ZNF282: variants seen among roughly 807,000 people sequenced by gnomAD.
ZNF282 encodes the protein HTLV-I U5 repressive element-binding protein 1.
Under a neutral mutation model 61.9 loss-of-function variants are expected in ZNF282, and 30 were observed. That is an observed-to-expected ratio of 0.48 (90% confidence interval 0.36 to 0.66). The LOEUF is 0.66. ZNF282 is among the 30% of genes least tolerant of loss of function. The pLI is 0.00. For synonymous variants in ZNF282, 396 were observed against 405.0 expected (o/e 0.98, Z 0.27); for missense variants, 788 against 941.4 (o/e 0.84, Z 2.13).
rs972880986 is a variant in ZNF282, at chr7:149,224,593, C to A, written c.1962C>A (p.Gly654=). The A allele has an allele frequency of 6.4e-7, 1 of 1,574,344 alleles. No individual in the cohort carries two copies. The highest frequency in any genetic ancestry group is 1.8e-5 in the Admixed American group (1 of 54,766). ...SLKDHLRVHS[G]GPGPGAPRQL... is the part of the protein sequence containing the mutation. ...AGGACCACCTGCGCGTGCACAGCGG[C>A]GGCCCGGGCCCCGGCGCCCCACGGC... The change falls in exon 8 of 8, where the codon GGC becomes GGA. Residue 654 remains glycine, a synonymous_variant. Transcript: ENST00000610704.
chr7:149,223,892 C>A lies in ZNF282; in HGVS notation c.1261C>A (p.Leu421Met). 1 of 1,423,474 alleles carries A rather than the reference C, an allele frequency of 7.0e-7. No homozygotes were observed. Among genetic ancestry groups the A allele is most frequent in the Non-Finnish European group, 9.1e-7 (1 of 1,093,770 alleles). 88.2% of individuals were successfully genotyped at this position (1,423,474 alleles called of 1,614,324 possible). A position where few individuals can be genotyped will look rare whatever the true frequency, so the allele number is the denominator to read the frequency against. ...CCAGCCCCAGCCACCGCAGCCGCAG[C>A]TGCAGTCGCAGCCCCAGCCCCAGAG... ...QPQPQPPQPQLQSQPQPQSLP... is the reference protein window; with the variant it reads ...QPQPQPPQPQMQSQPQPQSLP... Residue 421 changes from leucine to methionine, a missense_variant, in exon 8 of 8, where the codon CTG (leucine) becomes ATG (methionine). Around this residue, in one of 3 missense-constraint regions of ZNF282, gnomAD observed 559 missense variants for 642.0 expected, o/e 0.87. Transcript: ENST00000610704.
chr7:149,223,915 G>T lies in ZNF282; in HGVS notation c.1284G>T (p.Gln428His). The T allele has an allele frequency of 7.3e-7, 1 of 1,362,158 alleles. No individual in the cohort carries two copies. The highest frequency in any genetic ancestry group is 9.4e-7 in the Non-Finnish European group (1 of 1,060,892). The allele number at this position is 1,362,158 out of a possible 1,614,324, so 84.4% of individuals were successfully genotyped here. Residue 428 changes from glutamine to histidine, a missense_variant, in exon 8 of 8, where the codon CAG (glutamine) becomes CAT (histidine). By Grantham distance (24) the Gln-to-His change is conservative (BLOSUM62 0). This residue lies in a region of ZNF282 where 559 missense variants were observed against 642.0 expected (regional missense o/e 0.87). Coordinates refer to ENST00000610704, the MANE Select transcript of ZNF282 (RefSeq NM_003575.4). The stretch of plus-strand genomic sequence containing the variant: ...AGCTGCAGTCGCAGCCCCAGCCCCA[G>T]AGCCTGCCCCCCATCGCGGTGGCCG... Reference protein sequence around the residue: ...QPQLQSQPQPQSLPPIAVAEN... With the variant: ...QPQLQSQPQPHSLPPIAVAEN...
At position 149,224,907 on chromosome 7, in the gene ZNF282, C is replaced by A; in HGVS notation, c.*260C>A. On this transcript the variant is annotated 3_prime_UTR_variant, in exon 8 of 8. Transcript: ENST00000610704. ...GCCGAGCGTCCTCGGGCACCGCCCT[C>A]ACACCTCCTCGAGTGCCCTGGGACC... 1.8e-6 allele frequency: 1 copy of A among 555,372 alleles called. No individual in the cohort carries two copies. Among genetic ancestry groups the A allele is most frequent in the Non-Finnish European group, 3.0e-6 (1 of 330,086 alleles). The allele number at this position is 555,372 out of a possible 1,614,324, so 34.4% of individuals were successfully genotyped here. A position where few individuals can be genotyped will look rare whatever the true frequency, so the allele number is the denominator to read the frequency against.
chr7:149,220,007 GGGCCACAT>G (rs1563180793), intron 7 of ZNF282, among the ~76,000 whole-genome samples: 5 of 152,194 alleles, frequency 3.3e-5, no homozygotes, highest in African/African-American at 1.2e-4. Flanking sequence ...GCTGGGGCAC[GGGCCACAT>G]GGGCCTAGGG....
chr7:149,195,824 G>C (rs572391069), intron 1 of ZNF282, 70 bp downstream of exon 1: 9 of 1,237,670 alleles, frequency 7.3e-6, no homozygotes, highest in African/African-American at 6.4e-5. Context: ...CCGCGGGACC[G>C]GGCCGCGCCG....
At chr7:149,201,504 G>A (rs982260571) in intron 2 of ZNF282, among the ~76,000 whole-genome samples, 13 of 152,274 alleles carry the variant, frequency 8.5e-5, no homozygotes, top group Non-Finnish European at 1.8e-4. Context: ...CATAATCCCA[G>A]CACTTTGGAA....
rs114260397 is a variant in ZNF282, at chr7:149,217,954, G to A, written c.1180+4140G>A. The stretch of plus-strand genomic sequence containing the variant: ...TTTGGATTTTATTCTTACAAGAAAG[G>A]AGACTAGGCCGGGTGTCATGGCGGG... On this transcript the variant is annotated intron_variant, in intron 7 of 7. Coordinates refer to ENST00000610704, the MANE Select transcript of ZNF282 (RefSeq NM_003575.4). Among the ~76,000 whole-genome samples, 986 of 151,886 alleles carry A rather than the reference G, an allele frequency of 6.5e-3. 15 individuals carry two copies. Among genetic ancestry groups the A allele is most frequent in the African/African-American group, 0.023 (938 of 41,426 alleles).
chr7:149,224,398 G>A lies in ZNF282; in HGVS notation c.1767G>A (p.Leu589=), dbSNP rs758237508. ...AGACCTACAGCCGTAAGGAGCACCT[G>A]CAGAACCACCAGCGGCTGCACACGG... ...CEKTYSRKEH[L]QNHQRLHTGE... The change falls in exon 8 of 8, where the codon CTG becomes CTA. Residue 589 remains leucine (L), a synonymous_variant. Coordinates refer to ENST00000610704, the MANE Select transcript of ZNF282 (RefSeq NM_003575.4). 1.6e-5 allele frequency: 26 copies of A among 1,613,866 alleles called. No homozygotes were observed. Among genetic ancestry groups the A allele is most frequent in the Non-Finnish European group, 5.9e-6 (7 of 1,179,980 alleles).
intron 2 of ZNF282, among the ~76,000 whole-genome samples, chr7:149,204,578 G>A (rs1795963805): frequency 6.6e-6 from 1 of 152,138 alleles, no homozygotes; most frequent in Admixed American, 6.5e-5. Context: ...GGCACATACC[G>A]TCGGCCTTGG....
chr7:149,213,682 C>T lies in ZNF282; in HGVS notation c.1067-19C>T, dbSNP rs1426612832. On this transcript the variant is annotated intron_variant, in intron 6 of 7. Transcript: ENST00000610704. ...AGAACTGAACAAAATCTAAGACTGC[C>T]TTCTTTCCATGACAACAGAGTCTCT... 1 of 1,595,266 alleles carries T rather than the reference C, an allele frequency of 6.3e-7. No homozygotes were observed. The highest frequency in any genetic ancestry group is 8.6e-7 in the Non-Finnish European group (1 of 1,164,586).
rs985629607 is a variant in ZNF282, at chr7:149,224,214, G to T, written c.1583G>T (p.Gly528Val). 1 of 1,609,060 alleles carries T rather than the reference G, an allele frequency of 6.2e-7. No individual in the cohort carries two copies. The highest frequency in any genetic ancestry group is 1.3e-5 in the African/African-American group (1 of 74,950). ...YSCPECGKSFGVRKSLIIHHR... is the reference protein window; with the variant it reads ...YSCPECGKSFVVRKSLIIHHR... ...TGCCCCGAGTGCGGCAAGAGCTTCGGCGTGCGCAAGAGCCTCATCATCCAC... is the reference window on the plus strand; with the variant it reads ...TGCCCCGAGTGCGGCAAGAGCTTCGTCGTGCGCAAGAGCCTCATCATCCAC... Residue 528 changes from glycine to valine, a missense_variant, in exon 8 of 8, where the codon GGC (glycine) becomes GTC (valine). Physicochemically the swap from Gly to Val is moderately radical, Grantham distance 109. Around this residue, in one of 3 missense-constraint regions of ZNF282, gnomAD observed 559 missense variants for 642.0 expected, o/e 0.87. Coordinates refer to ENST00000610704, the MANE Select transcript of ZNF282 (RefSeq NM_003575.4).
chr7:149,204,760 C>T (rs191925964), intron 2 of ZNF282, among the ~76,000 whole-genome samples: 12 of 152,224 alleles, frequency 7.9e-5, no homozygotes, highest in African/African-American at 2.6e-4. Flanking sequence ...CTGAAGCAGC[C>T]GTGAGACAGC....
rs985637920 is a variant in ZNF282 at position 149,202,151 on chromosome 7, T to A, written c.585+3399T>A. On this transcript the variant is annotated intron_variant, in intron 2 of 7. Transcript: ENST00000610704. ...ATCTTAAATATTTAAGATATGCTTC[T>A]TTTTTTTTTTTTTTTTTTTGAGACA... Among the ~76,000 whole-genome samples the A allele has an allele frequency of 3.0e-4, 28 of 94,306 alleles. No homozygotes were observed. The East Asian group carries it at 4.4e-3, about 15-fold the overall frequency. The allele number at this position is 94,306 out of a possible 152,430, so 61.9% of individuals were successfully genotyped here.
At chr7:149,213,217 G>C (rs1796112843) in intron 6 of ZNF282, among the ~76,000 whole-genome samples, 1 of 152,200 alleles carries the variant, frequency 6.6e-6, no homozygotes, top group South Asian at 2.1e-4. Flanking sequence ...CTTGTACTTT[G>C]TCAACTTCAC....
rs1202418 is a variant in ZNF282 at position 149,207,455 on chromosome 7, A to G, written c.817A>G (p.Met273Val). Residue 273 changes from methionine to valine, a missense_variant, in exon 4 of 8, where the codon ATG becomes GTG. Met to Val is a conservative substitution (Grantham distance 21, BLOSUM62 1). Transcript: ENST00000610704. ...CCACCCCGAAGAGAGAGAAATCCCA[A>G]TGGATCCCGAAGCAGGTGATGGCAG... ...QRHPEEREIP[M>V]DPEAGAEPLV... 6,100 of 1,561,716 alleles carry G rather than the reference A, an allele frequency of 3.9e-3. 19 individuals carry two copies. Among genetic ancestry groups the G allele is most frequent in the Admixed American group, 4.2e-3 (219 of 51,986 alleles).
At chr7:149,207,509 G>A (rs1796013884) in intron 4 of ZNF282, 39 bp downstream of exon 4, 2 of 1,553,016 alleles carry the variant, frequency 1.3e-6, no homozygotes, top group African/African-American at 1.4e-5. Flanking sequence ...CCAGGGAAGG[G>A]CGAGAGAGGA....
chr7:149,213,097 A>G (rs944335853), intron 6 of ZNF282, among the ~76,000 whole-genome samples: 18 of 152,206 alleles, frequency 1.2e-4, no homozygotes, highest in African/African-American at 4.1e-4. Context: ...GTGTGTGTCC[A>G]TGTGATTGCA....
chr7:149,224,654 G>A lies in ZNF282; in HGVS notation c.*7G>A, dbSNP rs1333822060. 1 of 1,502,400 alleles carries A rather than the reference G, an allele frequency of 6.7e-7. No homozygotes were observed. The highest frequency in any genetic ancestry group is 8.9e-7 in the Non-Finnish European group (1 of 1,129,076). The allele number at this position is 1,502,400 out of a possible 1,614,324, so 93.1% of individuals were successfully genotyped here. A position where few individuals can be genotyped will look rare whatever the true frequency, so the allele number is the denominator to read the frequency against. ...GCCTCCTGAGCGAGACTAGGGCTGG[G>A]CTGGGGGAGGGCAGGGCCGGACGGA... On this transcript the variant is annotated 3_prime_UTR_variant, in exon 8 of 8. Coordinates refer to ENST00000610704, the MANE Select transcript of ZNF282 (RefSeq NM_003575.4).
chr7:149,223,858 GC>G lies in ZNF282; in HGVS notation c.1231del (p.Gln411SerfsTer156). The G allele has an allele frequency of 6.9e-7, 1 of 1,439,664 alleles. No homozygotes were observed. 89.2% of individuals were successfully genotyped at this position (1,439,664 alleles called of 1,614,324 possible). ...VKNPPPAPPQ[P>X]QPQPQPPQPQ... is the part of the protein sequence containing the mutation. Reference sequence around the variant, plus strand: ...AGAACCCACCCCCGGCCCCGCCACAGCCCCAGCCCCAGCCCCAGCCACCGCA... The same window carrying G: ...AGAACCCACCCCCGGCCCCGCCACAGCCCAGCCCCAGCCCCAGCCACCGCA... On this transcript the variant is annotated frameshift_variant, in exon 8 of 8. Coordinates refer to ENST00000610704, the MANE Select transcript of ZNF282 (RefSeq NM_003575.4). LOFTEE classifies it low-confidence loss of function (END_TRUNC).
Sources: allele counts gnomAD v4.1 joint callset (sites outside exome capture counted in the v4.1 genomes callset), GRCh38; gene constraint gnomAD v4.1.1; regional missense constraint gnomAD v4.1.1; transcripts MANE v1.5; gene names NCBI Gene and HGNC (gene_info 2026-07-23, HGNC 2026-07-21).